Variants in ASIC2 observed in about 807,000 individuals in gnomAD.
ASIC2 encodes acid sensing ion channel subunit 2.
In ASIC2, 25 loss-of-function variants were observed where a neutral mutation model predicts 57.3. The ratio of observed to expected loss-of-function variants is 0.44; its 90% CI spans 0.32 to 0.61. The LOEUF (loss-of-function observed/expected upper bound fraction) is 0.61. ASIC2 is among the 20% of genes least tolerant of loss of function. The pLI is 0.06. For synonymous variants in ASIC2, 319 were observed against 307.5 expected, an observed-to-expected ratio of 1.04 and a Z score of -0.39; for missense variants, 641 against 738.1, an observed-to-expected ratio of 0.87 and a Z score of 1.52.
At chr17:33,485,949 CA>C (rs1913561763) in intron 1 of ASIC2, among the ~76,000 whole-genome samples, 1 of 152,216 alleles carries the variant, frequency 6.6e-6, no homozygotes, top group East Asian at 1.9e-4. Flanking sequence ...TCCACTGTGT[CA>C]GGGGGCACAT....
intron 1 of ASIC2, among the ~76,000 whole-genome samples, chr17:33,921,003 C>T (rs1026131139): frequency 1.3e-5 from 2 of 152,190 alleles, no homozygotes; most frequent in African/African-American, 2.4e-5. Flanking sequence ...GGAACCAATA[C>T]ATAGAAAGCT....
At chr17:33,453,699 T>C (rs1178844715) in intron 1 of ASIC2, among the ~76,000 whole-genome samples, 3 of 152,234 alleles carry the variant, frequency 2.0e-5, no homozygotes, top group East Asian at 3.8e-4. Flanking sequence ...CCTATCTACA[T>C]ACCTGTGGGA....
intron 1 of ASIC2, among the ~76,000 whole-genome samples, chr17:33,669,294 T>C (rs919288213): frequency 6.6e-6 from 1 of 152,188 alleles, no homozygotes; most frequent in African/African-American, 2.4e-5. Context: ...CATGTAAAGA[T>C]GTTATGTGAA....
chr17:33,070,066 T>C (rs2092061652), intron 3 of ASIC2, among the ~76,000 whole-genome samples: 1 of 152,218 alleles, frequency 6.6e-6, no homozygotes, highest in Non-Finnish European at 1.5e-5. Context: ...TTGTAGAGTT[T>C]ATATATAAAT....
At chr17:33,726,388 A>G (rs942558596) in intron 1 of ASIC2, among the ~76,000 whole-genome samples, 5 of 152,182 alleles carry the variant, frequency 3.3e-5, no homozygotes, top group Non-Finnish European at 5.9e-5. Flanking sequence ...ATAAAATGAT[A>G]GCTGTTTTAA....
intron 1 of ASIC2, among the ~76,000 whole-genome samples, chr17:33,430,726 A>G (rs1911382799): frequency 6.6e-6 from 1 of 152,234 alleles, no homozygotes; most frequent in South Asian, 2.1e-4. Flanking sequence ...AATAATCTGT[A>G]TTTTAATGGA....
chr17:33,067,290 T>C (rs944997047), intron 3 of ASIC2, among the ~76,000 whole-genome samples: 1 of 152,178 alleles, frequency 6.6e-6, no homozygotes, highest in African/African-American at 2.4e-5. Flanking sequence ...ACAGACAAAG[T>C]TGATTCAGAG....
chr17:33,496,613 T>G (rs1913941288), intron 1 of ASIC2, among the ~76,000 whole-genome samples: 2 of 78,194 alleles, frequency 2.6e-5, no homozygotes, highest in Non-Finnish European at 5.6e-5. Flanking sequence ...GTTTTTTTTT[T>G]TTTTTTTTTT....
chr17:33,351,599 T>A (rs1379433149), intron 1 of ASIC2, among the ~76,000 whole-genome samples: 1 of 152,134 alleles, frequency 6.6e-6, no homozygotes, highest in Non-Finnish European at 1.5e-5. Flanking sequence ...CTCTCACACA[T>A]ACTGTATTTA....
chr17:33,080,456 C>T (rs1364677884), intron 3 of ASIC2, among the ~76,000 whole-genome samples: 2 of 152,100 alleles, frequency 1.3e-5, no homozygotes, highest in Non-Finnish European at 2.9e-5. Flanking sequence ...CTGCAGGCCC[C>T]CCTTATCCAC....
intron 1 of ASIC2, among the ~76,000 whole-genome samples, chr17:33,448,665 C>G (rs186948082): frequency 6.6e-6 from 1 of 152,188 alleles, no homozygotes; most frequent in African/African-American, 2.4e-5. Context: ...TCCTGTGACA[C>G]CTTGACTTCA....
In ASIC2 at chr17:33,299,663, C is replaced by T. The variant is rs138155470; in HGVS notation, c.556-187596G>A. On this transcript the variant is annotated intron_variant, in intron 1 of 9. Transcript: ENST00000359872. ...TTTACTTGACTTCAAGCTCTCAGCT[C>T]CCTTTCTTCTATCACAAGCAATTCC... Among the ~76,000 whole-genome samples the T allele has an allele frequency of 9.2e-4, 140 of 152,140 alleles. 1 individual carries two copies. In the East Asian group the frequency reaches 0.025, roughly 27 times the overall value.
intron 1 of ASIC2, among the ~76,000 whole-genome samples, chr17:34,035,918 C>T (rs1449536695): frequency 6.6e-6 from 1 of 151,682 alleles, no homozygotes; most frequent in Non-Finnish European, 1.5e-5. Context: ...AATAGGAACA[C>T]TTTTACACTG....
intron 1 of ASIC2, among the ~76,000 whole-genome samples, chr17:33,408,087 C>A (rs1010408110): frequency 6.6e-6 from 1 of 152,176 alleles, no homozygotes; most frequent in Non-Finnish European, 1.5e-5. Context: ...TGGGGAATGA[C>A]TTCTCATGAG....
At chr17:33,697,433 C>G (rs149815531) in intron 1 of ASIC2, among the ~76,000 whole-genome samples, 1 of 152,268 alleles carries the variant, frequency 6.6e-6, no homozygotes, top group East Asian at 1.9e-4. Context: ...TCTTGCAGTT[C>G]AAACTCATGT....
intron 1 of ASIC2, among the ~76,000 whole-genome samples, chr17:33,269,676 C>CTT (rs1904388128): frequency 1.2e-4 from 2 of 16,286 alleles, no homozygotes; most frequent in Non-Finnish European, 1.7e-4. Context: ...CCTTCCTTCC[C>CTT]TCCCTCCCTC....
intron 2 of ASIC2, among the ~76,000 whole-genome samples, chr17:33,102,538 G>A (rs1419874579): frequency 6.6e-6 from 1 of 152,070 alleles, no homozygotes; most frequent in Non-Finnish European, 1.5e-5. Context: ...GAGGATTTTT[G>A]TTATATTAGT....
rs141348710 is a variant in ASIC2 at position 33,884,361 on chromosome 17, G to A, written c.555+271617C>T. ...CCTATATTACTCCTTCAGGCCTAGG[G>A]ATAGTGATAGTTCCCACTGTTGCTT... is the stretch of plus-strand genomic sequence containing the variant. On this transcript the variant is annotated intron_variant, in intron 1 of 9. Coordinates refer to the ASIC2 transcript ENST00000359872. Among the ~76,000 whole-genome samples the A allele has an allele frequency of 1.2e-4, 19 of 152,278 alleles. 2 individuals carry two copies. The highest frequency in any genetic ancestry group is 4.6e-4 in the African/African-American group (19 of 41,538).
At chr17:33,905,973 A>C (rs1370246456) in intron 1 of ASIC2, among the ~76,000 whole-genome samples, 1 of 150,032 alleles carries the variant, frequency 6.7e-6, no homozygotes, top group Non-Finnish European at 1.5e-5. Context: ...ACAAGCCACT[A>C]TGCCTGGCTG....
Sources: allele counts gnomAD v4.1 joint callset (sites outside exome capture counted in the v4.1 genomes callset), GRCh38; gene constraint gnomAD v4.1.1; transcripts MANE v1.5; gene names NCBI Gene and HGNC (gene_info 2026-07-23, HGNC 2026-07-21).